Variants in ITGA11 observed in about 807,000 individuals in gnomAD.
The protein encoded by ITGA11 is integrin subunit alpha 11.
Under a neutral mutation model 141.9 loss-of-function variants are expected in ITGA11, and 97 were observed. The observed-to-expected ratio is 0.68, with a 90% CI of 0.58 to 0.81. ITGA11 has a LOEUF of 0.81. Ranked by LOEUF, ITGA11 falls within the 30% of genes least tolerant of loss-of-function variation. ITGA11 has a pLI of 0.00. For missense variants in ITGA11, 1,387 were observed against 1,559.2 expected, an observed-to-expected ratio of 0.89 and a Z score of 1.86; for synonymous variants, 658 against 624.6, an observed-to-expected ratio of 1.05 and a Z score of -0.80.
At chr15:68,400,649 T>A (rs1164392567) in intron 2 of ITGA11, among the ~76,000 whole-genome samples, 1 of 60,808 alleles carries the variant, frequency 1.6e-5, no homozygotes, top group African/African-American at 9.2e-5. Flanking sequence ...ATATTATATA[T>A]TATATAATAA....
chr15:68,406,881 T>C (rs1346377010), intron 1 of ITGA11, among the ~76,000 whole-genome samples: 2 of 152,156 alleles, frequency 1.3e-5, no homozygotes, highest in East Asian at 1.9e-4. Flanking sequence ...CATTAATCAA[T>C]TAAATCTCAC....
chr15:68,358,987 G>A (rs954662726), intron 5 of ITGA11, among the ~76,000 whole-genome samples: 1 of 152,196 alleles, frequency 6.6e-6, no homozygotes, highest in South Asian at 2.1e-4. Context: ...TTTTAGGAGG[G>A]AGATATGATG....
intron 1 of ITGA11, 73 bp from the exon 2 acceptor site, chr15:68,403,102 G>C: frequency 2.0e-6 from 2 of 988,524 alleles, no homozygotes; most frequent in Non-Finnish European, 3.2e-6. Context: ...GGCTGTGTCA[G>C]GACCCATTGG....
At position 68,400,957 on chromosome 15, in the gene ITGA11, T is replaced by C. The variant is rs190857769; in HGVS notation, c.164+1961A>G. Among the ~76,000 whole-genome samples the C allele has an allele frequency of 6.6e-3, 741 of 112,018 alleles. 15 individuals carry two copies. The highest frequency in any genetic ancestry group is 0.026 in the African/African-American group (677 of 26,038). The allele number at this position is 112,018 out of a possible 152,430, so 73.5% of individuals were successfully genotyped here. On this transcript the variant is annotated intron_variant, in intron 2 of 29. Coordinates refer to ENST00000315757, the MANE Select transcript of ITGA11 (RefSeq NM_001004439.2). ...TATTATATAATAAATATTATAATAT[T>C]ATATATATTTATTTATATATTTTAT...
chr15:68,351,678 G>A (rs1394221378), intron 7 of ITGA11, among the ~76,000 whole-genome samples: 1 of 152,126 alleles, frequency 6.6e-6, no homozygotes. Context: ...ACAGGCCAAA[G>A]GGATGAGGTG....
intron 9 of ITGA11, 146 bp from the exon 10 acceptor site, chr15:68,349,046 C>A (rs1382939315): frequency 2.8e-6 from 2 of 715,208 alleles, no homozygotes; most frequent in South Asian, 3.4e-5. Context: ...GAAGCTGAGG[C>A]CAGTAGTGTG....
chr15:68,404,239 T>C (rs762688810), intron 1 of ITGA11, among the ~76,000 whole-genome samples: 6 of 152,112 alleles, frequency 3.9e-5, no homozygotes, highest in Non-Finnish European at 8.8e-5. Context: ...CCAGTGGCCA[T>C]GGGCGCCGGC....
chr15:68,320,682 C>T (rs1157437977), intron 19 of ITGA11, among the ~76,000 whole-genome samples: 3 of 152,222 alleles, frequency 2.0e-5, no homozygotes, highest in African/African-American at 4.8e-5. Flanking sequence ...CCACTCCGCA[C>T]ATCATGTTTC....
intron 1 of ITGA11, among the ~76,000 whole-genome samples, chr15:68,431,276 G>A (rs1428022639): frequency 1.3e-5 from 2 of 152,138 alleles, no homozygotes; most frequent in South Asian, 2.1e-4. Flanking sequence ...GCGGCGGCGC[G>A]CGTCTAGGCG....
At chr15:68,369,116 G>T in intron 3 of ITGA11, 68 bp downstream of exon 3, 1 of 1,071,418 alleles carries the variant, frequency 9.3e-7, no homozygotes, top group South Asian at 1.3e-5. Context: ...ACATGGGCGT[G>T]CATCAGAGCC....
intron 1 of ITGA11, among the ~76,000 whole-genome samples, chr15:68,422,149 G>A (rs141868628): frequency 5.9e-5 from 9 of 152,288 alleles, no homozygotes; most frequent in East Asian, 1.9e-4. Flanking sequence ...ACTCAGGCCC[G>A]CACCACTGAG....
Position 68,326,780 on chromosome 15 carries a change from G to A in ITGA11, c.2085C>T (p.Ala695=). 6.3e-7 allele frequency: 1 copy of A among 1,581,138 alleles called. No homozygotes were observed. The highest frequency in any genetic ancestry group is 1.3e-5 in the African/African-American group (1 of 74,210). The part of the protein sequence containing the change: ...QTTTVGIRYN[A]TMDERRYTPR... ...GTGTATACCGCCTCTCATCCATGGT[G>A]GCGTTGTATCTGATGCCTGCAGGAG... The change falls in exon 17 of 30, where the codon GCC becomes GCT. Residue 695 remains alanine, a synonymous_variant. Transcript: ENST00000315757. This position sits in a 1 kb window ranked among gnomAD's most constrained non-coding sequence, Gnocchi z 6.8.
chr15:68,359,198 T>C (rs1895164642), intron 5 of ITGA11, among the ~76,000 whole-genome samples: 1 of 152,240 alleles, frequency 6.6e-6, no homozygotes, highest in African/African-American at 2.4e-5. Flanking sequence ...AAATGCTCAA[T>C]AAATCTGAAC....
intron 1 of ITGA11, among the ~76,000 whole-genome samples, chr15:68,424,155 C>T (rs111552045): frequency 3.9e-5 from 6 of 152,336 alleles, no homozygotes; most frequent in African/African-American, 9.6e-5. Flanking sequence ...GAGAGTATCA[C>T]CAATGAATCA....
Position 68,328,729 on chromosome 15 carries a change from C to A in ITGA11, c.1902-467G>T, listed in dbSNP as rs1270631899. ...CTGAAATTTTCATATGTGTGCACGC[C>A]CCCTGGGGATCATGTTAAAATGCAG... On this transcript the variant is annotated intron_variant, in intron 15 of 29. Transcript: ENST00000315757. The surrounding 1 kb of genome is among the most constrained non-coding windows in gnomAD (Gnocchi z 4.8). Among the ~76,000 whole-genome samples, 2 of 152,134 alleles carry A rather than the reference C, an allele frequency of 1.3e-5. No individual in the cohort carries two copies. The highest frequency in any genetic ancestry group is 2.9e-5 in the Non-Finnish European group (2 of 68,040).
chr15:68,365,204 T>A (rs1046059286), intron 3 of ITGA11: 1 of 985,282 alleles, frequency 1.0e-6, no homozygotes, highest in Non-Finnish European at 1.2e-6. Flanking sequence ...TTGACCCCCA[T>A]CCACACTTAA....
intron 4 of ITGA11, among the ~76,000 whole-genome samples, chr15:68,363,477 T>C (rs1330425080): frequency 2.6e-5 from 4 of 152,170 alleles, no homozygotes; most frequent in African/African-American, 9.7e-5. Context: ...CTCATGACTT[T>C]CCCTGGCAGG....
At chr15:68,374,614 T>C (rs1054247682) in intron 2 of ITGA11, among the ~76,000 whole-genome samples, 4 of 152,314 alleles carry the variant, frequency 2.6e-5, no homozygotes, top group Non-Finnish European at 4.4e-5. Flanking sequence ...CTGTGTCTGT[T>C]GAGGCAGGCA....
chr15:68,396,458 A>T (rs1183224923), intron 2 of ITGA11, among the ~76,000 whole-genome samples: 1 of 152,094 alleles, frequency 6.6e-6, no homozygotes, highest in African/African-American at 2.4e-5. Context: ...TGAATAAACT[A>T]GAGTTAACAT....
Sources: gnomAD v4.1 joint callset for allele counts (sites outside exome capture counted in the v4.1 genomes callset) on GRCh38, gnomAD v4.1.1 for gene constraint, Gnocchi (gnomAD v3.1) non-coding constraint, MANE v1.5 for transcripts, NCBI Gene and HGNC (gene_info 2026-07-23, HGNC 2026-07-21) for gene names.